Variants in CDK19 observed in about 807,000 individuals in gnomAD.
CDK19 encodes cyclin-dependent kinase 19.
CDK19 carries 20 observed loss-of-function variants against 68.3 expected under a neutral mutation model. The observed-to-expected ratio is 0.29, with a 90% CI of 0.21 to 0.43. The LOEUF is 0.43. Among genes scored for constraint, CDK19 ranks in the 20% least tolerant of loss-of-function variants. The pLI is 1.00. For synonymous variants in CDK19, 221 were observed against 222.8 expected, an observed-to-expected ratio of 0.99 and a Z score of 0.07; for missense variants, 339 against 623.5, an observed-to-expected ratio of 0.54 and a Z score of 4.86.
rs35488029 is a variant in CDK19, at chr6:110,706,999, TAA to T, written c.205-36460_205-36459del. On this transcript the variant is annotated intron_variant, in intron 2 of 12. Transcript: ENST00000368911. ...TATTTTTACATCTCTCTTTTACAGT[TAA>T]AAAAAAAAAAAAAAAAACTGAGAAG... 2.7e-4 allele frequency: 36 copies of T among 132,166 alleles called. 1 individual carries two copies. The South Asian group carries it at 3.7e-3, about 14-fold the overall frequency. 8.2% of individuals were successfully genotyped at this position (132,166 alleles called of 1,614,324 possible).
chr6:110,689,634 T>C (rs551389088), intron 2 of CDK19, among the ~76,000 whole-genome samples: 6 of 152,182 alleles, frequency 3.9e-5, no homozygotes, highest in Non-Finnish European at 7.3e-5. Flanking sequence ...TCATTACTAT[T>C]ACAATCAGCA....
intron 4 of CDK19, among the ~76,000 whole-genome samples, chr6:110,660,946 C>A (rs547481374): frequency 2.0e-5 from 3 of 152,244 alleles, no homozygotes; most frequent in South Asian, 4.1e-4. Flanking sequence ...CCTCTTCTGC[C>A]CAGAATTTCC....
At position 110,770,304 on chromosome 6, in the gene CDK19, T is replaced by G. The variant is rs552798095; in HGVS notation, c.129-24103A>C. On this transcript the variant is annotated intron_variant, in intron 1 of 12. Transcript: ENST00000368911. The stretch of plus-strand genomic sequence containing the variant: ...CCGAGATTGGGAAGAAAAAGAGGTT[T>G]AATTGGACTTACAGTTCCACATGGC... 3.9e-5 allele frequency among the ~76,000 whole-genome samples: 6 copies of G among 152,308 alleles called. 1 individual carries two copies. Among genetic ancestry groups the G allele is most frequent in the South Asian group, 2.1e-4 (1 of 4,832 alleles).
chr6:110,739,827 A>G (rs1777523485), intron 2 of CDK19, among the ~76,000 whole-genome samples: 1 of 148,744 alleles, frequency 6.7e-6, no homozygotes, highest in South Asian at 2.2e-4. Context: ...TATTATAGAG[A>G]CAGGGTCTCA....
intron 1 of CDK19, among the ~76,000 whole-genome samples, chr6:110,780,891 A>G (rs1453501716): frequency 1.3e-5 from 2 of 152,092 alleles, no homozygotes; most frequent in African/African-American, 4.8e-5. Context: ...TTAAAGGAAA[A>G]ATGAAACTTG....
intron 5 of CDK19, among the ~76,000 whole-genome samples, chr6:110,636,048 A>G (rs1779758249): frequency 6.6e-6 from 1 of 152,214 alleles, no homozygotes; most frequent in Admixed American, 6.5e-5. Context: ...CAGAATTACA[A>G]TCTTAAAACT....
chr6:110,763,110 T>C (rs1366955906), intron 1 of CDK19, among the ~76,000 whole-genome samples: 1 of 152,258 alleles, frequency 6.6e-6, no homozygotes, highest in South Asian at 2.1e-4. Flanking sequence ...AAGTTCAGAA[T>C]AGAGAAACTA....
intron 2 of CDK19, among the ~76,000 whole-genome samples, chr6:110,680,887 C>G (rs1223322691): frequency 6.6e-6 from 1 of 152,138 alleles, no homozygotes; most frequent in Non-Finnish European, 1.5e-5. Context: ...ATCCCAGCTA[C>G]TCAGGAGGCT....
chr6:110,652,797 T>C (rs1781055691), intron 4 of CDK19, among the ~76,000 whole-genome samples: 1 of 152,156 alleles, frequency 6.6e-6, no homozygotes, highest in African/African-American at 2.4e-5. Flanking sequence ...AGTACTGAAG[T>C]TAGTAGAGAA....
chr6:110,620,901 G>A (rs1170679509), intron 12 of CDK19, among the ~76,000 whole-genome samples: 2 of 151,816 alleles, frequency 1.3e-5, no homozygotes, highest in African/African-American at 4.8e-5. Context: ...CCTCTCCTCG[G>A]GTGTCAGGAT....
intron 2 of CDK19, among the ~76,000 whole-genome samples, chr6:110,683,174 CAAAAAAAAAA>C (rs58912406): frequency 8.1e-5 from 4 of 49,578 alleles, no homozygotes; most frequent in Non-Finnish European, 1.2e-4. Context: ...AGACTGTCTC[CAAAAAAAAAA>C]AAAAAAAAAA....
rs991736850 is a variant in CDK19 at position 110,734,520 on chromosome 6, G to GCTCGCTCTCTCTCTCT, written c.204+11605_204+11606insAGAGAGAGAGAGCGAG. On this transcript the variant is annotated intron_variant, in intron 2 of 12. Transcript: ENST00000368911. ...TGATAAAACTAAGAGGGTGAGCACT[G>GCTCGCTCTCTCTCTCT]CTCTCTCTCTCTCTCTCTCTCTCTC... 6.9e-3 allele frequency among the ~76,000 whole-genome samples: 594 copies of GCTCGCTCTCTCTCTCT among 85,778 alleles called. 10 individuals carry two copies. Among genetic ancestry groups the GCTCGCTCTCTCTCTCT allele is most frequent in the Non-Finnish European group, 0.011 (461 of 42,836 alleles). 56.3% of individuals were successfully genotyped at this position (85,778 alleles called of 152,430 possible). A position where few individuals can be genotyped will look rare whatever the true frequency, so the allele number is the denominator to read the frequency against.
At chr6:110,691,851 T>C (rs912972696) in intron 2 of CDK19, among the ~76,000 whole-genome samples, 1 of 150,278 alleles carries the variant, frequency 6.7e-6, no homozygotes, top group Non-Finnish European at 1.5e-5. Flanking sequence ...TTTCACCATG[T>C]TGGTCAGGCT....
rs1778172002 is a variant in CDK19 at position 110,614,281 on chromosome 6, T to A, written c.*254A>T. ...AGGTTACAGAAGTGCTGGGATTAGA[T>A]CAGACGCTTTATCAGAGAAGTCACA... On this transcript the variant is annotated 3_prime_UTR_variant, in exon 13 of 13. Transcript: ENST00000368911. The A allele has an allele frequency of 5.8e-6, 2 of 345,906 alleles. No individual in the cohort carries two copies. The allele number at this position is 345,906 out of a possible 1,614,324, so 21.4% of individuals were successfully genotyped here.
intron 1 of CDK19, among the ~76,000 whole-genome samples, chr6:110,759,656 C>T (rs1400327342): frequency 6.6e-6 from 1 of 151,418 alleles, no homozygotes; most frequent in Non-Finnish European, 1.5e-5. Flanking sequence ...AAAATATTAA[C>T]ACTGGAGATA....
At chr6:110,643,359 T>G in intron 4 of CDK19, 1 of 394,404 alleles carries the variant, frequency 2.5e-6, no homozygotes, top group Non-Finnish European at 4.8e-6. Flanking sequence ...CTGAGTCAAC[T>G]ATGGTAACAT....
intron 2 of CDK19, among the ~76,000 whole-genome samples, chr6:110,681,183 T>C (rs912692656): frequency 1.3e-5 from 2 of 151,890 alleles, no homozygotes; most frequent in African/African-American, 4.8e-5. Context: ...CCGTCTCTAC[T>C]AAAAATACAA....
intron 1 of CDK19, among the ~76,000 whole-genome samples, chr6:110,812,579 A>C (rs1047206275): frequency 3.9e-5 from 6 of 152,114 alleles, no homozygotes; most frequent in Non-Finnish European, 7.4e-5. Context: ...ATGATATTTT[A>C]TTTCTTCTAA....
rs190020937 is a variant in CDK19 at position 110,650,886 on chromosome 6, C to T, written c.457-12180G>A. Among the ~76,000 whole-genome samples the T allele has an allele frequency of 4.6e-5, 7 of 152,258 alleles. No individual in the cohort carries two copies. The East Asian group carries it at 9.6e-4, about 21-fold the overall frequency. On this transcript the variant is annotated intron_variant, in intron 4 of 12. Coordinates refer to ENST00000368911, the MANE Select transcript of CDK19 (RefSeq NM_015076.5). ...TTAGTACCAGAATTGGGCAGGTTCTCGAGCACCTTCTGGCCTGTGCTTTGG... is the reference window on the plus strand; with the variant it reads ...TTAGTACCAGAATTGGGCAGGTTCTTGAGCACCTTCTGGCCTGTGCTTTGG...
Sources: allele counts gnomAD v4.1 joint callset (sites outside exome capture counted in the v4.1 genomes callset), GRCh38; gene constraint gnomAD v4.1.1; transcripts MANE v1.5; gene names NCBI Gene and HGNC (gene_info 2026-07-23, HGNC 2026-07-21).